Variants in MARCHF1 observed in about 807,000 individuals in gnomAD.
MARCHF1 encodes the protein membrane associated ring-CH-type finger 1.
A neutral mutation model predicts 54.2 loss-of-function variants in MARCHF1; 40 were observed. The observed-to-expected ratio is 0.74, with a 90% confidence interval of 0.57 to 0.96. MARCHF1 has a LOEUF of 0.96. Among genes scored for constraint, MARCHF1 ranks in the 40% least tolerant of loss-of-function variants. MARCHF1 has a pLI of 0.00. For missense variants in MARCHF1, 586 were observed against 656.5 expected, an observed-to-expected ratio of 0.89 and a Z score of 1.17; for synonymous variants, 236 against 236.3, an observed-to-expected ratio of 1.00 and a Z score of 0.01.
chr4:164,280,428 A>G (rs1733998951), intron 1 of MARCHF1, among the ~76,000 whole-genome samples: 1 of 152,106 alleles, frequency 6.6e-6, no homozygotes, highest in Non-Finnish European at 1.5e-5. Flanking sequence ...CTACAATGGT[A>G]TAACATAATG....
At chr4:163,814,284 G>A (rs1016725274) in intron 4 of MARCHF1, among the ~76,000 whole-genome samples, 1 of 152,090 alleles carries the variant, frequency 6.6e-6, no homozygotes, top group Non-Finnish European at 1.5e-5. Context: ...CCATACTCAG[G>A]TTGGTCCCCT....
intron 1 of MARCHF1, among the ~76,000 whole-genome samples, chr4:164,215,728 G>A (rs933357423): frequency 5.3e-5 from 8 of 152,322 alleles, no homozygotes; most frequent in African/African-American, 1.4e-4. Flanking sequence ...GAGAGATGAG[G>A]CTGAGGTAGA....
intron 3 of MARCHF1, among the ~76,000 whole-genome samples, chr4:163,910,886 G>T (rs1352705486): frequency 1.3e-5 from 2 of 152,126 alleles, no homozygotes; most frequent in Non-Finnish European, 2.9e-5. Context: ...AAATTGATTT[G>T]CTACATGTTC....
At chr4:163,686,251 G>C (rs537636351) in intron 5 of MARCHF1, among the ~76,000 whole-genome samples, 4 of 151,870 alleles carry the variant, frequency 2.6e-5, no homozygotes, top group South Asian at 2.1e-4. Context: ...TTTTACCTCA[G>C]ATATAATAAA....
At chr4:163,994,692 G>A (rs1166951766) in intron 2 of MARCHF1, among the ~76,000 whole-genome samples, 1 of 147,616 alleles carries the variant, frequency 6.8e-6, no homozygotes, top group African/African-American at 2.5e-5. Flanking sequence ...ATGATATTAA[G>A]GTTCAAGCAA....
intron 1 of MARCHF1, among the ~76,000 whole-genome samples, chr4:164,220,020 G>C (rs9968509): frequency 0.46 from 69,954 of 151,406 alleles, 16,316 homozygotes; most frequent in Non-Finnish European, 0.5. Context: ...AGGTCACTTT[G>C]TATGTATCTA....
chr4:164,251,294 C>T (rs1420421200), intron 1 of MARCHF1, among the ~76,000 whole-genome samples: 1 of 152,106 alleles, frequency 6.6e-6, no homozygotes, highest in Non-Finnish European at 1.5e-5. Flanking sequence ...TATAATTATG[C>T]TGAGCAGATT....
intron 4 of MARCHF1, among the ~76,000 whole-genome samples, chr4:163,744,709 C>T (rs918481002): frequency 2.6e-5 from 4 of 152,068 alleles, no homozygotes; most frequent in African/African-American, 9.7e-5. Flanking sequence ...TACACCTTTT[C>T]CTTGTAAAAC....
At chr4:164,058,802 G>A (rs1289755527) in intron 2 of MARCHF1, among the ~76,000 whole-genome samples, 2 of 152,156 alleles carry the variant, frequency 1.3e-5, no homozygotes, top group Non-Finnish European at 2.9e-5. Context: ...ATTTTGGGGG[G>A]AATGGTTGGT....
At chr4:164,313,950 C>T (rs774542707) in intron 1 of MARCHF1, among the ~76,000 whole-genome samples, 2 of 152,214 alleles carry the variant, frequency 1.3e-5, no homozygotes, top group Non-Finnish European at 2.9e-5. Flanking sequence ...AAACAGTCTC[C>T]CAGCTTCAGC....
intron 5 of MARCHF1, among the ~76,000 whole-genome samples, chr4:163,632,489 G>A (rs893763772): frequency 7.2e-5 from 11 of 152,274 alleles, no homozygotes; most frequent in African/African-American, 2.2e-4. Flanking sequence ...GGTGATGGAC[G>A]GCACCTGGAA....
At chr4:164,197,813 G>A in intron 1 of MARCHF1, 2 of 1,556,262 alleles carry the variant, frequency 1.3e-6, no homozygotes, top group South Asian at 2.4e-5. Context: ...GACTCAACCA[G>A]CTCCGCTCGG....
chr4:164,351,167 C>G (rs1396256595), intron 1 of MARCHF1, among the ~76,000 whole-genome samples: 1 of 151,714 alleles, frequency 6.6e-6, no homozygotes, highest in Non-Finnish European at 1.5e-5. Flanking sequence ...AACTGCAAGG[C>G]GGCAGCGAGG....
At chr4:164,032,108 G>A (rs1363438554) in intron 2 of MARCHF1, among the ~76,000 whole-genome samples, 1 of 152,268 alleles carries the variant, frequency 6.6e-6, no homozygotes, top group East Asian at 1.9e-4. Context: ...AGATTTTCTA[G>A]TTTATTTGCA....
chr4:163,819,267 C>T (rs922406927), intron 4 of MARCHF1, among the ~76,000 whole-genome samples: 2 of 152,096 alleles, frequency 1.3e-5, no homozygotes, highest in Non-Finnish European at 2.9e-5. Context: ...CTTTGCTTCA[C>T]TTCTTATCAA....
chr4:164,019,992 C>T (rs13138451), intron 2 of MARCHF1, among the ~76,000 whole-genome samples: 64,313 of 152,082 alleles, frequency 0.42, 15,813 homozygotes, highest in Non-Finnish European at 0.57. Context: ...CAAAAGTCCT[C>T]CCATATTGTT....
rs547147780 is a variant in MARCHF1, at chr4:164,237,415, C to T, written c.-322-125753G>A. Among the ~76,000 whole-genome samples, 3 of 152,124 alleles carry T rather than the reference C, an allele frequency of 2.0e-5. No individual in the cohort carries two copies. The South Asian group carries it at 6.2e-4, about 31-fold the overall frequency. On this transcript the variant is annotated intron_variant, in intron 1 of 9. Coordinates refer to ENST00000514618, the MANE Select transcript of MARCHF1 (RefSeq NM_001394959.1). ...CATTGCTCTATGCTGCTGCTTCTTT[C>T]TCTCTGCTAACACAATCCTTTCTCT...
chr4:163,615,243 C>T (rs576273084), intron 5 of MARCHF1, among the ~76,000 whole-genome samples: 32 of 152,010 alleles, frequency 2.1e-4, no homozygotes, highest in Middle Eastern at 3.4e-3. Context: ...AAGGAGGTAA[C>T]GATCCAGCTA....
intron 1 of MARCHF1, among the ~76,000 whole-genome samples, chr4:164,146,279 A>G (rs1299628708): frequency 1.3e-5 from 2 of 148,736 alleles, no homozygotes; most frequent in African/African-American, 5.1e-5. Flanking sequence ...TGCCATCCCC[A>G]TCAAGCTACC....
Sources: gnomAD v4.1 joint callset for allele counts (sites outside exome capture counted in the v4.1 genomes callset) on GRCh38, gnomAD v4.1.1 for gene constraint, MANE v1.5 for transcripts, NCBI Gene and HGNC (gene_info 2026-07-23, HGNC 2026-07-21) for gene names.